Variants in SIPA1L2 observed in about 807,000 individuals in gnomAD.
The protein encoded by SIPA1L2 is signal induced proliferation associated 1 like 2, also known as signal-induced proliferation-associated 1-like protein 2.
In SIPA1L2, 56 loss-of-function variants were observed where a neutral mutation model predicts 163.9. That is an observed-to-expected ratio of 0.34 (90% CI 0.28 to 0.43). SIPA1L2 has a LOEUF of 0.43. Ranked by LOEUF, SIPA1L2 falls within the 20% of genes least tolerant of loss-of-function variation. The pLI, the probability that SIPA1L2 is intolerant of heterozygous loss-of-function variation, is 1.00. For missense variants in SIPA1L2, 1,974 were observed against 2,193.5 expected, an observed-to-expected ratio of 0.90 and a Z score of 2.00; for synonymous variants, 877 against 865.7, an observed-to-expected ratio of 1.01 and a Z score of -0.23.
chr1:232,421,800 A>G (rs924613858), intron 18 of SIPA1L2, among the ~76,000 whole-genome samples: 1 of 152,206 alleles, frequency 6.6e-6, no homozygotes, highest in African/African-American at 2.4e-5. Flanking sequence ...TTTAACTTCA[A>G]GGGGCATTCT....
At chr1:232,520,544 C>T (rs74144356) in intron 2 of SIPA1L2, among the ~76,000 whole-genome samples, 2,595 of 152,232 alleles carry the variant, frequency 0.017, 83 homozygotes, top group African/African-American at 0.06. Flanking sequence ...TATTAGAGTT[C>T]TAATTGAGCC....
rs754737401 is a variant in SIPA1L2, at chr1:232,445,718, T to C, written c.3164A>G (p.Glu1055Gly). Reference sequence around the variant, plus strand: ...GTTCCTCCTGAAGGGGGTTTTATACTCGCAGGGGGTGCCCTCGCTGTCGAG... The same window carrying C: ...GTTCCTCCTGAAGGGGGTTTTATACCCGCAGGGGGTGCCCTCGCTGTCGAG... ...YKLDSEGTPC[E>G]YKTPFRRNTT... is the part of the protein sequence containing the mutation. Residue 1055 changes from glutamate (E) to glycine (G), a missense_variant, in exon 11 of 23, where the codon GAG (glutamate) becomes GGG (glycine). By Grantham distance (98) the Glu-to-Gly change is moderately conservative (BLOSUM62 -2). Transcript: ENST00000674635. 6.2e-7 allele frequency: 1 copy of C among 1,613,642 alleles called. No individual in the cohort carries two copies. Among genetic ancestry groups the C allele is most frequent in the Non-Finnish European group, 8.5e-7 (1 of 1,179,892 alleles).
At chr1:232,555,766 T>C (rs1237177539) in intron 2 of SIPA1L2, among the ~76,000 whole-genome samples, 1 of 152,230 alleles carries the variant, frequency 6.6e-6, no homozygotes, top group Non-Finnish European at 1.5e-5. Flanking sequence ...CAGCAGGGGA[T>C]AGAGAACTCT....
At chr1:232,458,494 A>G (rs1033527728) in intron 10 of SIPA1L2, among the ~76,000 whole-genome samples, 8 of 152,230 alleles carry the variant, frequency 5.3e-5, no homozygotes, top group Admixed American at 1.3e-4. Context: ...TTTATTAAAC[A>G]GATCTCTTGA....
chr1:232,483,921 G>A lies in SIPA1L2; in HGVS notation c.1852C>T (p.Gln618Ter). 1 of 1,613,632 alleles carries A rather than the reference G, an allele frequency of 6.2e-7. No homozygotes were observed. Among genetic ancestry groups the A allele is most frequent in the Non-Finnish European group, 8.5e-7 (1 of 1,179,874 alleles). The change falls in exon 6 of 23, where the codon CAG (glutamine) becomes TAG (stop). Residue 618 changes from glutamine (Q) to a stop codon, truncating the protein, a stop_gained. Transcript: ENST00000674635. LOFTEE classifies it high-confidence loss of function. ...TTATACATCTCTTCCTCTGTGCTCT[G>A]GCCTGCTTTGCAATAAAGGATCCCG... ...KIGILYCKAG[Q>*]STEEEMYNNE...
intron 3 of SIPA1L2, among the ~76,000 whole-genome samples, chr1:232,500,362 T>G (rs2103015243): frequency 6.6e-6 from 1 of 152,328 alleles, no homozygotes; most frequent in African/African-American, 2.4e-5. Context: ...TACATAGAGA[T>G]TCATCTGATG....
intron 16 of SIPA1L2, 110 bp downstream of exon 16, chr1:232,432,137 T>C: frequency 1.2e-6 from 1 of 860,650 alleles, no homozygotes; most frequent in Non-Finnish European, 1.8e-6. Context: ...AAGATGTTTT[T>C]AGATTATTCT....
At chr1:232,417,848 C>T (rs879641052) in intron 18 of SIPA1L2, among the ~76,000 whole-genome samples, 7 of 152,148 alleles carry the variant, frequency 4.6e-5, no homozygotes, top group African/African-American at 7.2e-5. Context: ...CTGGGCTCTT[C>T]GGGAAACGGT....
At chr1:232,513,768 A>T in intron 3 of SIPA1L2, 89 bp downstream of exon 3, 1 of 1,357,146 alleles carries the variant, frequency 7.4e-7, no homozygotes, top group African/African-American at 1.5e-5. Context: ...CACTCTGAGG[A>T]AGGTGCTCCA....
intron 2 of SIPA1L2, among the ~76,000 whole-genome samples, chr1:232,519,528 T>G (rs1220738417): frequency 6.6e-6 from 1 of 152,212 alleles, no homozygotes; most frequent in Non-Finnish European, 1.5e-5. Flanking sequence ...AGAAGCCATA[T>G]GAAGCGAGGG....
At chr1:232,439,595 A>T (rs1156964800) in intron 14 of SIPA1L2, 99 bp from the exon 15 acceptor site, 1 of 1,384,122 alleles carries the variant, frequency 7.2e-7, no homozygotes, top group Non-Finnish European at 9.8e-7. Flanking sequence ...ATCGCACCCA[A>T]GCCCTTTCTA....
rs1033614250 is a variant in SIPA1L2, at chr1:232,493,468, A to T, written c.1617+59T>A. On this transcript the variant is annotated intron_variant, in intron 4 of 22. Transcript: ENST00000674635. ...TACCCTATCTAAAACAAACTGAAGC[A>T]GTAACACCAAAGGAGGTTTAGACTT... 4 of 1,599,094 alleles carry T rather than the reference A, an allele frequency of 2.5e-6. No individual in the cohort carries two copies. The Admixed American group carries it at 6.9e-5, about 28-fold the overall frequency.
At chr1:232,412,459 T>C (rs904858277) in intron 19 of SIPA1L2, among the ~76,000 whole-genome samples, 1 of 152,176 alleles carries the variant, frequency 6.6e-6, no homozygotes, top group African/African-American at 2.4e-5. Context: ...CATGGACATG[T>C]TTTGGGTTAT....
At chr1:232,402,318 AT>A in intron 22 of SIPA1L2, 73 bp downstream of exon 22, 1 of 1,353,944 alleles carries the variant, frequency 7.4e-7, no homozygotes, top group Non-Finnish European at 1.0e-6. Flanking sequence ...AGTCTTTTCA[AT>A]TTATCTGTAG....
At chr1:232,546,921 A>T (rs1461426858) in intron 2 of SIPA1L2, among the ~76,000 whole-genome samples, 1 of 152,222 alleles carries the variant, frequency 6.6e-6, no homozygotes, top group Non-Finnish European at 1.5e-5. Flanking sequence ...TGCCAGGTGG[A>T]GAGAAGAGGC....
At chr1:232,625,164 T>TA (rs1663008350) in intron 1 of SIPA1L2, among the ~76,000 whole-genome samples, 1 of 152,236 alleles carries the variant, frequency 6.6e-6, no homozygotes, top group African/African-American at 2.4e-5. Context: ...AAGGTGGAGC[T>TA]ATATGGGCTA....
chr1:232,594,416 G>A (rs187856818), intron 1 of SIPA1L2, among the ~76,000 whole-genome samples: 3 of 152,202 alleles, frequency 2.0e-5, no homozygotes, highest in Non-Finnish European at 2.9e-5. Context: ...GCACACAGGA[G>A]AGACGTGAGT....
chr1:232,492,861 G>C (rs1665999603), intron 4 of SIPA1L2, among the ~76,000 whole-genome samples: 1 of 152,202 alleles, frequency 6.6e-6, no homozygotes, highest in Non-Finnish European at 1.5e-5. Flanking sequence ...GGACTTCTGA[G>C]TTAATGCTGG....
chr1:232,501,050 A>ATTTTTTTTTTTTTTTTTTTTT lies in SIPA1L2; in HGVS notation c.1484-7411_1484-7391dup, dbSNP rs60008360. ...TGTTAGCACTTTTTAGCAATGAAGT[A>ATTTTTTTTTTTTTTTTTTTTT]TTTTTTTTTTTTTTTTTTTTTTTGT... On this transcript the variant is annotated intron_variant, in intron 3 of 22. Transcript: ENST00000674635. Among the ~76,000 whole-genome samples, 9 of 78,442 alleles carry ATTTTTTTTTTTTTTTTTTTTT rather than the reference A, an allele frequency of 1.1e-4. 3 individuals are homozygous for ATTTTTTTTTTTTTTTTTTTTT. The highest frequency in any genetic ancestry group is 1.8e-4 in the Non-Finnish European group (8 of 43,604). 51.5% of individuals were successfully genotyped at this position (78,442 alleles called of 152,430 possible). A position where few individuals can be genotyped will look rare whatever the true frequency, so the allele number is the denominator to read the frequency against.
Sources: allele counts gnomAD v4.1 joint callset (sites outside exome capture counted in the v4.1 genomes callset), GRCh38; gene constraint gnomAD v4.1.1; transcripts MANE v1.5; gene names NCBI Gene and HGNC (gene_info 2026-07-23, HGNC 2026-07-21).